SUCLA2: variants seen among roughly 807,000 people sequenced by gnomAD.
SUCLA2 encodes succinate--CoA ligase [ADP-forming] subunit beta, mitochondrial.
A neutral mutation model predicts 54.8 loss-of-function variants in SUCLA2; 30 were observed. The ratio of observed to expected loss-of-function variants is 0.55; its 90% CI spans 0.41 to 0.74. SUCLA2 has a LOEUF of 0.74. Ranked by LOEUF, SUCLA2 falls within the 30% of genes least tolerant of loss-of-function variation. The pLI is 0.00. For synonymous variants in SUCLA2, 172 were observed against 188.9 expected, an observed-to-expected ratio of 0.91 and a Z score of 0.74; for missense variants, 476 against 562.9, an observed-to-expected ratio of 0.85 and a Z score of 1.56.
chr13:47,994,908 T>A (rs1950178836), intron 2 of SUCLA2: 1 of 952,722 alleles, frequency 1.0e-6, no homozygotes, highest in African/African-American at 1.8e-5. Flanking sequence ...TAAGAATCAT[T>A]AAGTTTTTAT....
chr13:47,965,543 A>T, intron 6 of SUCLA2: 2 of 397,592 alleles, frequency 5.0e-6, no homozygotes, highest in Middle Eastern at 6.3e-4. Context: ...GAAAAACAGG[A>T]ACAACAAAAA....
At chr13:47,959,453 A>AAAATCT (rs1949849037) in intron 6 of SUCLA2, among the ~76,000 whole-genome samples, 1 of 118,568 alleles carries the variant, frequency 8.4e-6, no homozygotes, top group Admixed American at 9.8e-5. Flanking sequence ...GAGGGGGAGG[A>AAAATCT]GGAGAGGTGG....
chr13:47,974,722 A>G (rs1593492167), intron 4 of SUCLA2, among the ~76,000 whole-genome samples: 2 of 152,232 alleles, frequency 1.3e-5, no homozygotes, highest in East Asian at 3.8e-4. Flanking sequence ...CTTGAAAATC[A>G]ATCAAGAAAA....
chr13:47,945,169 AACCTGGG>A (rs1314628180), intron 10 of SUCLA2, among the ~76,000 whole-genome samples: 2 of 150,204 alleles, frequency 1.3e-5, no homozygotes, highest in Non-Finnish European at 3.0e-5. Flanking sequence ...GGATTGCTTG[AACCTGGG>A]AGATGGAGGT....
In SUCLA2 at chr13:48,001,238, A is replaced by G. The variant is rs1477595981; in HGVS notation, c.32T>C (p.Val11Ala). ...GTGGTTCCGAAGGGTGGCCACGGCC[A>G]CTAGCCTGCCGTAGAACATGGAGGC... Reference protein sequence around the residue: MAASMFYGRLVAVATLRNHRP... With the variant: MAASMFYGRLAAVATLRNHRP... Residue 11 changes from valine to alanine, a missense_variant, in exon 1 of 11, where the codon GTG (valine) becomes GCG (alanine). Val to Ala is a moderately conservative substitution (Grantham distance 64). This residue lies in a region of SUCLA2 where 134 missense variants were observed against 118.7 expected (regional missense o/e 1.13). Transcript: ENST00000646932. 7 of 1,604,980 alleles carry G rather than the reference A, an allele frequency of 4.4e-6. No individual in the cohort carries two copies. Among genetic ancestry groups the G allele is most frequent in the Admixed American group, 1.7e-5 (1 of 58,774 alleles).
chr13:47,971,684 G>A (rs772238718), intron 5 of SUCLA2: 20 of 384,198 alleles, frequency 5.2e-5, no homozygotes, highest in South Asian at 1.5e-4. Flanking sequence ...AGCGTTCATC[G>A]AATTCTTAAA....
chr13:47,960,560 T>G (rs1199614664), intron 6 of SUCLA2, among the ~76,000 whole-genome samples: 1 of 152,174 alleles, frequency 6.6e-6, no homozygotes, highest in East Asian at 1.9e-4. Flanking sequence ...GAAGAAAAAC[T>G]GTGATGTGGG....
At chr13:47,966,644 G>T (rs1949920980) in intron 6 of SUCLA2, among the ~76,000 whole-genome samples, 1 of 150,786 alleles carries the variant, frequency 6.6e-6, no homozygotes, top group South Asian at 2.1e-4. Flanking sequence ...CAGTTGTTCA[G>T]TTTGAAATAT....
At chr13:47,987,279 T>G (rs1950111519) in intron 4 of SUCLA2, among the ~76,000 whole-genome samples, 1 of 152,148 alleles carries the variant, frequency 6.6e-6, no homozygotes, top group African/African-American at 2.4e-5. Flanking sequence ...TGGATAGAAC[T>G]CCTATCTCAA....
intron 4 of SUCLA2, 88 bp from the exon 5 acceptor site, chr13:47,973,480 T>G: frequency 6.9e-7 from 1 of 1,453,048 alleles, no homozygotes; most frequent in Non-Finnish European, 9.5e-7. Context: ...TAATATCAGA[T>G]GTAAGCATCT....
intron 1 of SUCLA2, 191 bp downstream of exon 1, chr13:48,000,989 G>C (rs1263003789): frequency 1.4e-6 from 2 of 1,446,110 alleles, no homozygotes; most frequent in Admixed American, 2.5e-5. Context: ...GGCTGGGTCA[G>C]AGCCGCGCAA....
chr13:47,996,273 G>A (rs1008074584), intron 2 of SUCLA2, among the ~76,000 whole-genome samples: 38 of 150,094 alleles, frequency 2.5e-4, no homozygotes, highest in Non-Finnish European at 5.3e-4. Context: ...CAGTGAGCCA[G>A]GATTGCACCA....
At chr13:47,943,497 G>A (rs1426435056) in intron 10 of SUCLA2, 52 bp from the exon 11 acceptor site, 1 of 1,559,388 alleles carries the variant, frequency 6.4e-7, no homozygotes, top group Middle Eastern at 1.7e-4. Context: ...CAGAACTACA[G>A]GTCAGTGCAA....
intron 1 of SUCLA2, among the ~76,000 whole-genome samples, chr13:47,998,348 T>A (rs1002064823): frequency 6.6e-6 from 1 of 151,082 alleles, no homozygotes; most frequent in Non-Finnish European, 1.5e-5. Flanking sequence ...AAACTACTGT[T>A]TAGTATACCT....
intron 4 of SUCLA2, among the ~76,000 whole-genome samples, chr13:47,986,711 G>C (rs1352144241): frequency 6.6e-6 from 1 of 152,180 alleles, no homozygotes. Context: ...TCCATCTTGA[G>C]TTAACTTTTG....
At chr13:47,996,095 G>A (rs949573671) in intron 2 of SUCLA2, among the ~76,000 whole-genome samples, 4 of 151,898 alleles carry the variant, frequency 2.6e-5, no homozygotes, top group South Asian at 2.1e-4. Flanking sequence ...AGGCGGAGGC[G>A]GGCAGATCAC....
chr13:47,965,494 T>TAAAA lies in SUCLA2; in HGVS notation c.802+3097_802+3100dup, dbSNP rs35331016. On this transcript the variant is annotated intron_variant, in intron 6 of 10. Coordinates refer to ENST00000646932, the MANE Select transcript of SUCLA2 (RefSeq NM_003850.3). ...TCTATGAAATAAATGACCCCTTCTT[T>TAAAA]AAAAAAAAAAAAACAAACAAACAAA... The TAAAA allele has an allele frequency of 2.6e-5, 8 of 311,152 alleles. No homozygotes were observed. The East Asian group carries it at 2.8e-4, about 11-fold the overall frequency. The allele number at this position is 311,152 out of a possible 1,614,324, so 19.3% of individuals were successfully genotyped here.
At chr13:47,962,308 G>A (rs780197467) in intron 6 of SUCLA2, among the ~76,000 whole-genome samples, 6 of 152,104 alleles carry the variant, frequency 3.9e-5, no homozygotes, top group Non-Finnish European at 7.4e-5. Flanking sequence ...CTTAATTCAT[G>A]GAAAATGTGT....
intron 2 of SUCLA2, among the ~76,000 whole-genome samples, 169 bp from the exon 3 acceptor site, chr13:47,989,150 TA>T (rs1950130264): frequency 6.6e-6 from 1 of 152,000 alleles, no homozygotes. Flanking sequence ...ATTAGAACAC[TA>T]AAATAATCAC....
Sources: gnomAD v4.1 joint callset for allele counts (sites outside exome capture counted in the v4.1 genomes callset) on GRCh38, gnomAD v4.1.1 for gene constraint, gnomAD v4.1.1 regional missense constraint, MANE v1.5 for transcripts, NCBI Gene and HGNC (gene_info 2026-07-23, HGNC 2026-07-21) for gene names.